Variants in CTNNA1 observed in about 807,000 individuals in gnomAD.
CTNNA1 encodes catenin alpha-1.
CTNNA1 carries 37 observed loss-of-function variants against 98.4 expected under a neutral mutation model. The ratio of observed to expected loss-of-function variants is 0.38; its 90% confidence interval spans 0.29 to 0.49. The LOEUF (loss-of-function observed/expected upper bound fraction) is 0.49, where lower values mean the gene tolerates loss of function less well. Ranked by LOEUF, CTNNA1 falls within the 20% of genes least tolerant of loss-of-function variation. CTNNA1 has a pLI of 0.95. For missense variants in CTNNA1, 761 were observed against 1,147.2 expected (o/e 0.66, Z 4.86); for synonymous variants, 404 against 413.2 (o/e 0.98, Z 0.27).
chr5:138,895,891 A>G (rs952551587), intron 9 of CTNNA1, among the ~76,000 whole-genome samples: 15 of 152,210 alleles, frequency 9.9e-5, no homozygotes, highest in African/African-American at 3.6e-4. Flanking sequence ...ATTCTTGCTA[A>G]CTTGGTTTTT....
intron 7 of CTNNA1, among the ~76,000 whole-genome samples, chr5:138,877,835 C>T (rs992064371): frequency 1.3e-5 from 2 of 152,148 alleles, no homozygotes; most frequent in Non-Finnish European, 2.9e-5. Flanking sequence ...CCCTTTGCCA[C>T]GCAGGAGAAG....
intron 3 of CTNNA1, among the ~76,000 whole-genome samples, chr5:138,805,865 G>A (rs984065280): frequency 6.7e-6 from 1 of 149,672 alleles, no homozygotes; most frequent in Non-Finnish European, 1.5e-5. Context: ...TCTTGGTAGT[G>A]TTCTTTGAAG....
At chr5:138,931,202 C>A in intron 16 of CTNNA1, 1 of 424,250 alleles carries the variant, frequency 2.4e-6, no homozygotes, top group Non-Finnish European at 4.4e-6. Context: ...TGGGCAGGGG[C>A]CGAGAGCAGC....
intron 7 of CTNNA1, chr5:138,875,212 G>A (rs1422285609): frequency 9.6e-6 from 3 of 313,234 alleles, no homozygotes; most frequent in South Asian, 7.8e-5. Flanking sequence ...TCTCCTTTCC[G>A]CAGCCGTTAG....
intron 7 of CTNNA1, among the ~76,000 whole-genome samples, chr5:138,879,171 TAAAAA>T (rs35271091): frequency 6.1e-4 from 49 of 80,326 alleles, no homozygotes; most frequent in African/African-American, 2.2e-3. Context: ...ACTCCGTCTT[TAAAAA>T]AAAAAAAAAA....
At chr5:138,825,993 C>T (rs1433971647) in intron 6 of CTNNA1, among the ~76,000 whole-genome samples, 1 of 152,142 alleles carries the variant, frequency 6.6e-6, no homozygotes, top group Non-Finnish European at 1.5e-5. Flanking sequence ...CTCAGGGACA[C>T]AGGTATTTGT....
At position 138,873,842 on chromosome 5, in the gene CTNNA1, T is replaced by G. The variant is rs1750955029; in HGVS notation, c.1063-12370T>G. 2.5e-6 allele frequency: 4 copies of G among 1,614,050 alleles called. No homozygotes were observed. The East Asian group carries it at 6.7e-5, about 27-fold the overall frequency. Reference sequence around the variant, plus strand: ...CATCCCACATGTCAAGTTGCTGATTTTGTTCCATTGTAAGAAGAGCGTGTG... The same window carrying G: ...CATCCCACATGTCAAGTTGCTGATTGTGTTCCATTGTAAGAAGAGCGTGTG... On this transcript the variant is annotated intron_variant, in intron 7 of 17. Coordinates refer to ENST00000302763, the MANE Select transcript of CTNNA1 (RefSeq NM_001903.5). This position sits in a 1 kb window ranked among gnomAD's most constrained non-coding sequence, Gnocchi z 6.1.
intron 1 of CTNNA1, among the ~76,000 whole-genome samples, chr5:138,777,703 C>T (rs932086279): frequency 6.6e-6 from 1 of 151,666 alleles, no homozygotes; most frequent in African/African-American, 2.4e-5. Context: ...CAAAAAAATA[C>T]AAAAACCAGT....
rs1766147561 is a variant in CTNNA1 at position 138,934,613 on chromosome 5, A to C, written c.*524A>C. The C allele has an allele frequency of 6.5e-6, 1 of 153,630 alleles. No homozygotes were observed. The highest frequency in any genetic ancestry group is 2.4e-5 in the African/African-American group (1 of 41,472). The allele number at this position is 153,630 out of a possible 1,614,324, so 9.5% of individuals were successfully genotyped here. ...AGTAAAACATAATGTATCATGAAGA[A>C]AACTGATTCTCTATGACATGAAATG... On this transcript the variant is annotated 3_prime_UTR_variant, in exon 18 of 18. Transcript: ENST00000302763.
chr5:138,858,087 A>G (rs1763886250), intron 7 of CTNNA1, among the ~76,000 whole-genome samples: 1 of 151,982 alleles, frequency 6.6e-6, no homozygotes, highest in South Asian at 2.1e-4. Flanking sequence ...ATTCACCTCT[A>G]AACACTGTCC....
At chr5:138,899,984 AT>A (rs1178810295) in intron 9 of CTNNA1, among the ~76,000 whole-genome samples, 1 of 152,082 alleles carries the variant, frequency 6.6e-6, no homozygotes, top group African/African-American at 2.4e-5. Context: ...AAGATATCTT[AT>A]TTCTCCTAAT....
At chr5:138,819,632 A>G (rs1759812122) in intron 5 of CTNNA1, among the ~76,000 whole-genome samples, 1 of 152,112 alleles carries the variant, frequency 6.6e-6, no homozygotes, top group Non-Finnish European at 1.5e-5. Context: ...CTTCTGCTAA[A>G]GCACTTGGAT....
chr5:138,906,627 T>A (rs533360112), intron 10 of CTNNA1, among the ~76,000 whole-genome samples: 7 of 152,318 alleles, frequency 4.6e-5, no homozygotes, highest in African/African-American at 1.4e-4. Context: ...CCAAGCCATG[T>A]CACATGGGTT....
At chr5:138,863,307 C>G (rs530843262) in intron 7 of CTNNA1, among the ~76,000 whole-genome samples, 1 of 152,220 alleles carries the variant, frequency 6.6e-6, no homozygotes, top group East Asian at 1.9e-4. Flanking sequence ...GTGATCACGG[C>G]TCACTGCAGC....
chr5:138,922,076 C>T (rs1178089021), intron 11 of CTNNA1, among the ~76,000 whole-genome samples: 1 of 152,096 alleles, frequency 6.6e-6, no homozygotes. Flanking sequence ...ATACCCAGGG[C>T]AGAGGGTACA....
At chr5:138,880,857 A>T (rs1044040531) in intron 7 of CTNNA1, 1 of 342,882 alleles carries the variant, frequency 2.9e-6, no homozygotes, top group African/African-American at 2.1e-5. Context: ...CTTAAGGTTG[A>T]TGAAGCTTGG....
intron 7 of CTNNA1, among the ~76,000 whole-genome samples, chr5:138,846,689 A>G (rs761653397): frequency 2.0e-5 from 3 of 152,324 alleles, no homozygotes; most frequent in Admixed American, 1.3e-4. Flanking sequence ...CTAATGGCCT[A>G]CAATTTTCTG....
chr5:138,796,595 A>G (rs1364828883), intron 3 of CTNNA1, among the ~76,000 whole-genome samples: 1 of 152,186 alleles, frequency 6.6e-6, no homozygotes, highest in South Asian at 2.1e-4. Flanking sequence ...AAGGTTTTAG[A>G]TAGTTAAAAT....
chr5:138,932,278 G>A (rs1259491846), intron 16 of CTNNA1: 6 of 1,165,688 alleles, frequency 5.1e-6, no homozygotes, highest in Non-Finnish European at 6.4e-6. Flanking sequence ...CTTGGCCAGG[G>A]TGGTTTCCCC....
Sources: gnomAD v4.1 joint callset for allele counts (sites outside exome capture counted in the v4.1 genomes callset) on GRCh38, gnomAD v4.1.1 for gene constraint, Gnocchi (gnomAD v3.1) non-coding constraint, MANE v1.5 for transcripts, NCBI Gene and HGNC (gene_info 2026-07-23, HGNC 2026-07-21) for gene names.